Variants in PCDHA12 observed in about 807,000 individuals in gnomAD.
PCDHA12 encodes the protein protocadherin alpha-12.
Under a neutral mutation model 60.0 loss-of-function variants are expected in PCDHA12, and 44 were observed. The observed-to-expected ratio is 0.73, with a 90% CI of 0.58 to 0.94. The LOEUF (loss-of-function observed/expected upper bound fraction) is 0.94. Among genes scored for constraint, PCDHA12 ranks in the 40% least tolerant of loss-of-function variants. PCDHA12 has a pLI of 0.00. For missense variants in PCDHA12, 1,276 were observed against 1,239.7 expected (o/e 1.03, Z -0.44); for synonymous variants, 569 against 553.0 (o/e 1.03, Z -0.40).
rs371245562 is a variant in PCDHA12 at position 140,875,943 on chromosome 5, T to C, written c.471T>C (p.Ala157=). Residue 157 remains alanine, a synonymous_variant, in exon 1 of 4, where the codon GCT becomes GCC. Coordinates refer to ENST00000398631, the MANE Select transcript of PCDHA12 (RefSeq NM_018903.4). Reference sequence around the variant, plus strand: ...ACTCTCATTTTCCTCTAGAGGGCGCTTCTGATGCGGATATCGGCGTAAACT... The same window carrying C: ...ACTCTCATTTTCCTCTAGAGGGCGCCTCTGATGCGGATATCGGCGTAAACT... ...PLDSHFPLEG[A]SDADIGVNSL... The C allele has an allele frequency of 1.9e-6, 3 of 1,614,072 alleles. No individual in the cohort carries two copies. Among genetic ancestry groups the C allele is most frequent in the African/African-American group, 2.7e-5 (2 of 74,928 alleles).
Position 141,010,533 on chromosome 5 carries a change from C to T in PCDHA12, c.*596C>T, listed in dbSNP as rs1466502614. 4 of 390,018 alleles carry T rather than the reference C, an allele frequency of 1.0e-5. No homozygotes were observed. Among genetic ancestry groups the T allele is most frequent in the African/African-American group, 8.2e-5 (4 of 49,000 alleles). 24.2% of individuals were successfully genotyped at this position (390,018 alleles called of 1,614,324 possible). ...TACAACTCAAGAGGTGGCAGCCACCCTCTAGGAGACAAAACTACCCCCACT... is the reference window on the plus strand; with the variant it reads ...TACAACTCAAGAGGTGGCAGCCACCTTCTAGGAGACAAAACTACCCCCACT... On this transcript the variant is annotated 3_prime_UTR_variant, in exon 4 of 4. Transcript: ENST00000398631.
Position 141,010,924 on chromosome 5 carries a change from T to G in PCDHA12, c.*987T>G, listed in dbSNP as rs1016736721. 1 of 153,778 alleles carries G rather than the reference T, an allele frequency of 6.5e-6. No homozygotes were observed. Among genetic ancestry groups the G allele is most frequent in the Non-Finnish European group, 1.5e-5 (1 of 68,046 alleles). 9.5% of individuals were successfully genotyped at this position (153,778 alleles called of 1,614,324 possible). A position where few individuals can be genotyped will look rare whatever the true frequency, so the allele number is the denominator to read the frequency against. Reference sequence around the variant, plus strand: ...CCCCTAAACTCTCCTCAAAAGAGAATTCAGTCTACAGCCATTTAAATGATC... The same window carrying G: ...CCCCTAAACTCTCCTCAAAAGAGAAGTCAGTCTACAGCCATTTAAATGATC... On this transcript the variant is annotated 3_prime_UTR_variant, in exon 4 of 4. Transcript: ENST00000398631.
chr5:140,991,707 A>G (rs1436655429), intron 3 of PCDHA12, among the ~76,000 whole-genome samples: 1 of 152,158 alleles, frequency 6.6e-6, no homozygotes, highest in Non-Finnish European at 1.5e-5. Flanking sequence ...TAATATGCAT[A>G]TTGCTACTAG....
rs114918834 is a variant in PCDHA12, at chr5:140,920,894, T to C, written c.2367+43055T>C. 7.8e-3 allele frequency among the ~76,000 whole-genome samples: 1,179 copies of C among 151,482 alleles called. 6 individuals carry two copies. The highest frequency in any genetic ancestry group is 0.019 in the African/African-American group (771 of 41,278). Reference sequence around the variant, plus strand: ...GTGGCCCTTAGAACTTAAAGTCATATTTTGGTTCTCAAATCAGTTCCAAGA... The same window carrying C: ...GTGGCCCTTAGAACTTAAAGTCATACTTTGGTTCTCAAATCAGTTCCAAGA... On this transcript the variant is annotated intron_variant, in intron 1 of 3. Coordinates refer to ENST00000398631, the MANE Select transcript of PCDHA12 (RefSeq NM_018903.4).
At chr5:140,972,540 T>C (rs1375467339) in intron 1 of PCDHA12, among the ~76,000 whole-genome samples, 1 of 152,148 alleles carries the variant, frequency 6.6e-6, no homozygotes, top group East Asian at 1.9e-4. Context: ...AAATCACTTG[T>C]GCAGTGAGGA....
intron 1 of PCDHA12, chr5:140,966,703 G>A: frequency 1.5e-6 from 2 of 1,376,398 alleles, no homozygotes; most frequent in Non-Finnish European, 1.9e-6. Flanking sequence ...CCCGGGCGTG[G>A]GGCACGGCTG....
Position 140,897,056 on chromosome 5 carries a change from T to C in PCDHA12, c.2367+19217T>C, listed in dbSNP as rs147544543. Among the ~76,000 whole-genome samples the C allele has an allele frequency of 2.6e-3, 395 of 152,288 alleles. 2 individuals carry two copies. The highest frequency in any genetic ancestry group is 9.2e-3 in the African/African-American group (384 of 41,556). ...ATAGTCACCCTATTCTGCTGTCAAA[T>C]ACTATGTCTTATTCATTTTTTCTAT... On this transcript the variant is annotated intron_variant, in intron 1 of 3. Coordinates refer to ENST00000398631, the MANE Select transcript of PCDHA12 (RefSeq NM_018903.4).
At chr5:140,993,198 A>C (rs1554253472) in intron 3 of PCDHA12, among the ~76,000 whole-genome samples, 1 of 151,946 alleles carries the variant, frequency 6.6e-6, no homozygotes, top group African/African-American at 2.4e-5. Context: ...AACTCACTAA[A>C]GCTAATTTTT....
chr5:140,877,487 A>G lies in PCDHA12; in HGVS notation c.2015A>G (p.Asn672Ser). 1 of 1,613,822 alleles carries G rather than the reference A, an allele frequency of 6.2e-7. No individual in the cohort carries two copies. The highest frequency in any genetic ancestry group is 8.5e-7 in the Non-Finnish European group (1 of 1,179,848). Residue 672 changes from asparagine to serine, a missense_variant, in exon 1 of 4, where the codon AAC (asparagine) becomes AGC (serine). Transcript: ENST00000398631. Reference sequence around the variant, plus strand: ...ACGGTGCTGGTGTCGCTGGTGGAGAACGGCCAGGCCCCAAAGACGTCGTCG... The same window carrying G: ...ACGGTGCTGGTGTCGCTGGTGGAGAGCGGCCAGGCCCCAAAGACGTCGTCG... ...TATVLVSLVE[N>S]GQAPKTSSRA...
intron 1 of PCDHA12, chr5:140,930,231 A>C (rs1234850185): frequency 6.6e-6 from 1 of 152,238 alleles, no homozygotes; most frequent in South Asian, 2.1e-4. Context: ...TGCACTTACC[A>C]TCCAAAGTCC....
At chr5:140,926,538 G>T (rs155362) in intron 1 of PCDHA12, 176,859 of 210,462 alleles carry the variant, frequency 0.84, 75,003 homozygotes, top group African/African-American at 0.96. Context: ...CAGCCAGCGT[G>T]GTGGTCGAGA....
At chr5:140,910,959 A>C (rs1188143214) in intron 1 of PCDHA12, among the ~76,000 whole-genome samples, 1 of 151,944 alleles carries the variant, frequency 6.6e-6, no homozygotes, top group African/African-American at 2.4e-5. Flanking sequence ...CGAGTGTAGC[A>C]CACCTCCTCA....
intron 3 of PCDHA12, among the ~76,000 whole-genome samples, chr5:140,997,500 C>T (rs567570276): frequency 5.3e-4 from 80 of 152,250 alleles, no homozygotes; most frequent in South Asian, 3.9e-3. Context: ...TGTATCTCAA[C>T]ATACCTAAAC....
At chr5:140,920,616 C>A (rs929240808) in intron 1 of PCDHA12, among the ~76,000 whole-genome samples, 1 of 152,012 alleles carries the variant, frequency 6.6e-6, no homozygotes, top group African/African-American at 2.4e-5. Flanking sequence ...GAGGCCGAGG[C>A]GGATGGATCA....
chr5:140,875,629 G>A lies in PCDHA12; in HGVS notation c.157G>A (p.Gly53Arg). ...TFVGRIAQDL[G>R]LELAELVPRL... ...CGTGGGCCGCATCGCTCAGGACCTGGGGCTGGAGCTGGCGGAGCTGGTGCC... is the reference window on the plus strand; with the variant it reads ...CGTGGGCCGCATCGCTCAGGACCTGAGGCTGGAGCTGGCGGAGCTGGTGCC... The change falls in exon 1 of 4, where the codon GGG (glycine) becomes AGG (arginine). Residue 53 changes from glycine to arginine, a missense_variant. Physicochemically the swap from Gly to Arg is moderately radical, Grantham distance 125 (BLOSUM62 -2). Coordinates refer to ENST00000398631, the MANE Select transcript of PCDHA12 (RefSeq NM_018903.4). The A allele has an allele frequency of 6.2e-7, 1 of 1,613,758 alleles. No homozygotes were observed. The highest frequency in any genetic ancestry group is 8.5e-7 in the Non-Finnish European group (1 of 1,180,022).
rs192086826 is a variant in PCDHA12, at chr5:140,981,520, G to C, written c.2427-955G>C. ...ACCTGGGAGGCAGAGGTTGCAGTGA[G>C]CTGAGATCGTGCCACTGTACTCCAG... On this transcript the variant is annotated intron_variant, in intron 2 of 3. Coordinates refer to ENST00000398631, the MANE Select transcript of PCDHA12 (RefSeq NM_018903.4). Among the ~76,000 whole-genome samples the C allele has an allele frequency of 3.3e-5, 5 of 152,342 alleles. No homozygotes were observed. The East Asian group carries it at 9.6e-4, about 29-fold the overall frequency.
At chr5:140,962,220 T>A (rs1174731292) in intron 1 of PCDHA12, among the ~76,000 whole-genome samples, 2 of 152,186 alleles carry the variant, frequency 1.3e-5, no homozygotes, top group African/African-American at 4.8e-5. Flanking sequence ...GATCTTGAGG[T>A]TCAAGTTTCA....
chr5:140,993,033 T>C (rs1315226376), intron 3 of PCDHA12, among the ~76,000 whole-genome samples: 2 of 152,158 alleles, frequency 1.3e-5, no homozygotes, highest in African/African-American at 4.8e-5. Context: ...GTGGGCTCCG[T>C]GTGTCATCAA....
In PCDHA12 at chr5:140,875,360, GA is replaced by G; in HGVS notation, c.-107del. ...CGACTCCATAATGACTGTGATGCTG[GA>G]AAAAATTTACTAAATATGTACTTAC... On this transcript the variant is annotated 5_prime_UTR_variant, in exon 1 of 4. It removes the in-frame stop codon of an upstream open reading frame in the 5' UTR. Transcript: ENST00000398631. 1 of 1,447,846 alleles carries G rather than the reference GA, an allele frequency of 6.9e-7. No individual in the cohort carries two copies. Among genetic ancestry groups the G allele is most frequent in the Non-Finnish European group, 9.1e-7 (1 of 1,102,018 alleles). 89.7% of individuals were successfully genotyped at this position (1,447,846 alleles called of 1,614,324 possible). A position where few individuals can be genotyped will look rare whatever the true frequency, so the allele number is the denominator to read the frequency against.
Sources: gnomAD v4.1 joint callset for allele counts (sites outside exome capture counted in the v4.1 genomes callset) on GRCh38, gnomAD v4.1.1 for gene constraint, MANE v1.5 for transcripts, NCBI Gene and HGNC (gene_info 2026-07-23, HGNC 2026-07-21) for gene names.